CLVS1: variants seen among roughly 807,000 people sequenced by gnomAD.
CLVS1 encodes clavesin-1.
Under a neutral mutation model 33.1 loss-of-function variants are expected in CLVS1, and 10 were observed. The observed-to-expected ratio is 0.30, with a 90% CI of 0.19 to 0.51. The LOEUF is 0.51. CLVS1 is among the 20% of genes least tolerant of loss of function. CLVS1 has a pLI of 0.97. For synonymous variants in CLVS1, 163 were observed against 166.1 expected, an observed-to-expected ratio of 0.98 and a Z score of 0.14; for missense variants, 343 against 433.4, an observed-to-expected ratio of 0.79 and a Z score of 1.85.
chr8:61,388,623 T>A (rs1026681480), intron 3 of CLVS1, among the ~76,000 whole-genome samples: 15 of 152,094 alleles, frequency 9.9e-5, no homozygotes, highest in African/African-American at 2.9e-4. Context: ...TTGTTATATC[T>A]TTTTTATTAT....
chr8:61,183,171 G>T (rs1222670504), intron 2 of CLVS1, among the ~76,000 whole-genome samples: 1 of 151,802 alleles, frequency 6.6e-6, no homozygotes, highest in Non-Finnish European at 1.5e-5. Context: ...GCAGGCACAA[G>T]TGGAGGGAGA....
the CLVS1 span, among the ~76,000 whole-genome samples, chr8:61,033,161 A>AAGAAAGAGAAAG: frequency 9.8e-5 from 9 of 92,210 alleles, no homozygotes; most frequent in Admixed American, 2.0e-4. Context: ...GAAAGAAAGA[A>AAGAAAGAGAAAG]AAAGAAAGAA....
intron 2 of CLVS1, among the ~76,000 whole-genome samples, chr8:61,163,264 A>G (rs1806785804): frequency 6.6e-6 from 1 of 152,166 alleles, no homozygotes; most frequent in African/African-American, 2.4e-5. Context: ...TTTGGGTATC[A>G]TGGGAGCTGC....
chr8:61,415,797 C>T (rs1815405771), intron 3 of CLVS1, among the ~76,000 whole-genome samples: 1 of 152,174 alleles, frequency 6.6e-6, no homozygotes, highest in Non-Finnish European at 1.5e-5. Flanking sequence ...AGGGAACAGA[C>T]TAGTGATCCC....
intron 2 of CLVS1, among the ~76,000 whole-genome samples, chr8:61,229,915 C>A (rs190459421): frequency 6.6e-6 from 1 of 152,190 alleles, no homozygotes; most frequent in East Asian, 1.9e-4. Flanking sequence ...CCTGAGCCAC[C>A]GCACCCAGCT....
At chr8:61,428,669 G>A (rs1227279337) in intron 3 of CLVS1, among the ~76,000 whole-genome samples, 1 of 152,208 alleles carries the variant, frequency 6.6e-6, no homozygotes, top group Non-Finnish European at 1.5e-5. Context: ...TTATCCTGCA[G>A]AGAAATATAG....
chr8:61,280,863 A>G (rs1809656558), intron 2 of CLVS1, among the ~76,000 whole-genome samples: 1 of 152,144 alleles, frequency 6.6e-6, no homozygotes, highest in South Asian at 2.1e-4. Context: ...CCTGAGCTCA[A>G]GCAATCCACC....
chr8:61,293,527 G>T lies in CLVS1; in HGVS notation c.-152+5389G>T, dbSNP rs181761364. Among the ~76,000 whole-genome samples, 144 of 152,226 alleles carry T rather than the reference G, an allele frequency of 9.5e-4. No homozygotes were observed. The East Asian group carries it at 0.018, about 19-fold the overall frequency. ...AGGGAGTGTATTATCTTTCAAGAAA[G>T]ATTTCAAATAGAGTTACACTTAAAA... On this transcript the variant is annotated intron_variant, in intron 1 of 5. Transcript: ENST00000325897.
At chr8:61,357,489 C>CTTTTATTTTTTTTTTTTT (rs1462908906) in intron 2 of CLVS1, among the ~76,000 whole-genome samples, 6 of 30,268 alleles carry the variant, frequency 2.0e-4, no homozygotes, top group Non-Finnish European at 4.4e-4. Context: ...TTTCCTTTTT[C>CTTTTATTTTTTTTTTTTT]TTTTCTTTTT....
intron 2 of CLVS1, among the ~76,000 whole-genome samples, chr8:61,133,982 G>A (rs1417497905): frequency 1.3e-5 from 2 of 152,092 alleles, no homozygotes; most frequent in African/African-American, 4.8e-5. Flanking sequence ...GGGTATGAGA[G>A]GTTGGGAGGA....
chr8:61,059,358 T>C (rs1804535564), intron 1 of CLVS1, among the ~76,000 whole-genome samples: 1 of 151,288 alleles, frequency 6.6e-6, no homozygotes, highest in South Asian at 2.1e-4. Flanking sequence ...TTCAAATCTG[T>C]CCACTATTTT....
At chr8:61,137,072 G>A (rs541446410) in intron 2 of CLVS1, among the ~76,000 whole-genome samples, 30 of 152,300 alleles carry the variant, frequency 2.0e-4, no homozygotes, top group Admixed American at 7.2e-4. Context: ...GAAGCTCTTC[G>A]ATAATGGATT....
chr8:61,331,173 G>C (rs1358062122), intron 2 of CLVS1, among the ~76,000 whole-genome samples: 1 of 152,116 alleles, frequency 6.6e-6, no homozygotes, highest in Non-Finnish European at 1.5e-5. Flanking sequence ...CAGAATTTTG[G>C]AGGCATTTCT....
the CLVS1 span, chr8:60,966,127 A>C: frequency 3.5e-6 from 1 of 285,850 alleles, no homozygotes; most frequent in Non-Finnish European, 7.0e-6. Context: ...GTTCTTAATT[A>C]ATCTCTTTTA....
intron 2 of CLVS1, among the ~76,000 whole-genome samples, chr8:61,206,212 A>G (rs1200294782): frequency 6.6e-6 from 1 of 152,190 alleles, no homozygotes; most frequent in East Asian, 1.9e-4. Flanking sequence ...TCTTTCTTAA[A>G]ACTGGTTATC....
chr8:61,289,152 A>G (rs1484326604), intron 1 of CLVS1, among the ~76,000 whole-genome samples: 1 of 152,260 alleles, frequency 6.6e-6, no homozygotes, highest in Non-Finnish European at 1.5e-5. Flanking sequence ...GGACTGGCTC[A>G]GATTTGGAAG....
chr8:61,363,792 G>A (rs1190979709), intron 2 of CLVS1, among the ~76,000 whole-genome samples: 2 of 152,208 alleles, frequency 1.3e-5, no homozygotes, highest in African/African-American at 2.4e-5. Context: ...GGGAACAAAA[G>A]TAGGTCCAAT....
At chr8:61,058,990 G>C (rs548570285) in intron 1 of CLVS1, among the ~76,000 whole-genome samples, 1 of 152,184 alleles carries the variant, frequency 6.6e-6, no homozygotes, top group East Asian at 1.9e-4. Flanking sequence ...ATTACAAATA[G>C]AGCTTCAATG....
intron 4 of CLVS1, among the ~76,000 whole-genome samples, chr8:61,456,088 G>A (rs77894174): frequency 0.017 from 2,592 of 152,292 alleles, 31 homozygotes; most frequent in Non-Finnish European, 0.027. Flanking sequence ...ATTCAGGTTG[G>A]AGCGAGAGAG....
Sources: allele counts gnomAD v4.1 joint callset (sites outside exome capture counted in the v4.1 genomes callset), GRCh38; gene constraint gnomAD v4.1.1; transcripts MANE v1.5; gene names NCBI Gene and HGNC (gene_info 2026-07-23, HGNC 2026-07-21).